Variants in PRP4K observed in about 807,000 individuals in gnomAD.
The protein encoded by PRP4K is pre-mRNA processing factor kinase PRP4K.
chr6:4,047,187 A>G, the PRP4K span: 1 of 1,610,602 alleles, frequency 6.2e-7, no homozygotes. Context: ...TCATCTCAGA[A>G]GAAGTTGTTG....
chr6:4,063,021 T>C, the PRP4K span: 1 of 152,648 alleles, frequency 6.6e-6, no homozygotes, highest in Non-Finnish European at 1.5e-5. Flanking sequence ...TTCAAAACTG[T>C]TACCTGTTCT....
chr6:4,059,308 C>G, the PRP4K span, among the ~76,000 whole-genome samples: 7,852 of 152,228 alleles, frequency 0.052, 668 homozygotes, highest in African/African-American at 0.18. Flanking sequence ...CTGGTTCAGA[C>G]CTTTGTGCCT....
the PRP4K span, among the ~76,000 whole-genome samples, chr6:4,022,471 GTTTTTT>G: frequency 1.4e-5 from 1 of 73,910 alleles, no homozygotes; most frequent in African/African-American, 5.9e-5. Flanking sequence ...TTTTTGTTTT[GTTTTTT>G]GTTTTTTTTT....
At chr6:4,046,954 G>A in the PRP4K span, among the ~76,000 whole-genome samples, 1 of 152,112 alleles carries the variant, frequency 6.6e-6, no homozygotes, top group Non-Finnish European at 1.5e-5. Flanking sequence ...CACCATGCCC[G>A]GCCGGTCTTT....
chr6:4,049,943 A>G, the PRP4K span: 2 of 1,524,234 alleles, frequency 1.3e-6, no homozygotes, highest in South Asian at 1.2e-5. Flanking sequence ...ACATATTTTT[A>G]AACTATTTTT....
At chr6:4,028,012 C>T in the PRP4K span, among the ~76,000 whole-genome samples, 2 of 152,068 alleles carry the variant, frequency 1.3e-5, no homozygotes, top group Admixed American at 1.3e-4. Context: ...TCAGACTTTT[C>T]CCCCTATAAG....
the PRP4K span, chr6:4,047,307 A>T: frequency 7.8e-7 from 1 of 1,284,062 alleles, no homozygotes; most frequent in Non-Finnish European, 1.1e-6. Flanking sequence ...ATTGGTGCGT[A>T]TATACATATA....
chr6:4,049,132 T>C, the PRP4K span: 5 of 1,561,852 alleles, frequency 3.2e-6, no homozygotes, highest in South Asian at 4.5e-5. Context: ...ATATTAACTT[T>C]AGAGTTCATT....
chr6:4,049,652 T>C, the PRP4K span: 1 of 1,380,910 alleles, frequency 7.2e-7, no homozygotes, highest in Non-Finnish European at 9.9e-7. Context: ...ACACAATTTT[T>C]AAATGACTGC....
the PRP4K span, chr6:4,052,730 C>A: frequency 3.2e-6 from 5 of 1,584,566 alleles, no homozygotes; most frequent in African/African-American, 4.1e-5. Flanking sequence ...CATGAACTTA[C>A]GAGAGGTGTT....
chr6:4,056,984 A>T, the PRP4K span: 2 of 1,455,410 alleles, frequency 1.4e-6, no homozygotes, highest in African/African-American at 1.4e-5. Flanking sequence ...AAAAATTAAT[A>T]GTCGTCAGTT....
chr6:4,042,365 G>A, the PRP4K span: 2 of 695,704 alleles, frequency 2.9e-6, no homozygotes, highest in Admixed American at 7.2e-5. Context: ...GGAAACAAAA[G>A]TAATAGGACT....
At chr6:4,044,198 T>C in the PRP4K span, 1 of 624,230 alleles carries the variant, frequency 1.6e-6, no homozygotes, top group Non-Finnish European at 2.8e-6. Context: ...TCTCTATAAA[T>C]GTGTTTTTAT....
chr6:4,027,600 T>TGG, the PRP4K span, among the ~76,000 whole-genome samples: 5 of 25,188 alleles, frequency 2.0e-4, no homozygotes, highest in African/African-American at 5.0e-4. Flanking sequence ...GGCGGAGGGG[T>TGG]GGGGGGGTGG....
the PRP4K span, among the ~76,000 whole-genome samples, chr6:4,050,876 C>T: frequency 1.3e-5 from 2 of 152,066 alleles, no homozygotes; most frequent in East Asian, 3.9e-4. Flanking sequence ...GCATCCATTA[C>T]TATGTTCTGT....
At chr6:4,056,880 A>C in the PRP4K span, 1 of 1,065,832 alleles carries the variant, frequency 9.4e-7, no homozygotes, top group East Asian at 2.6e-5. Flanking sequence ...ATTAAGAATT[A>C]GTGGGAAAGA....
the PRP4K span, chr6:4,061,202 A>G: frequency 6.5e-6 from 1 of 152,984 alleles, no homozygotes; most frequent in African/African-American, 2.4e-5. Context: ...TATTGGAACA[A>G]CTGACAAATG....
At chr6:4,057,619 C>A in the PRP4K span, among the ~76,000 whole-genome samples, 9 of 151,964 alleles carry the variant, frequency 5.9e-5, no homozygotes, top group East Asian at 1.7e-3. Flanking sequence ...AAGTAAGGTA[C>A]CTTTCTTGGT....
At chr6:4,038,926 T>TTC in the PRP4K span, among the ~76,000 whole-genome samples, 83 of 151,258 alleles carry the variant, frequency 5.5e-4, no homozygotes, top group South Asian at 1.7e-3. Flanking sequence ...GTGCTTTTTT[T>TTC]TTTCTTTCTT....
Sources: gnomAD v4.1 joint callset for allele counts (sites outside exome capture counted in the v4.1 genomes callset) on GRCh38, gnomAD v4.1.1 for gene constraint, MANE v1.5 for transcripts, NCBI Gene and HGNC (gene_info 2026-07-23, HGNC 2026-07-21) for gene names.